The following KMT2C variants were observed in gnomAD, a reference collection of about 807,000 sequenced individuals.
KMT2C encodes the protein histone-lysine N-methyltransferase 2C.
A neutral mutation model predicts 507.9 loss-of-function variants in KMT2C; 88 were observed. That is an observed-to-expected ratio of 0.17 (90% CI 0.15 to 0.21). The LOEUF (loss-of-function observed/expected upper bound fraction) is 0.21. Among genes scored for constraint, KMT2C ranks in the 10% least tolerant of loss-of-function variants. The pLI, the probability that KMT2C is intolerant of heterozygous loss-of-function variation, is 1.00. For synonymous variants in KMT2C, 2,049 were observed against 2,080.8 expected (o/e 0.98, Z 0.42); for missense variants, 4,954 against 5,957.8 (o/e 0.83, Z 5.55).
chr7:152,421,508 G>T lies in KMT2C; in HGVS notation c.161+14118C>A, dbSNP rs189118869. Among the ~76,000 whole-genome samples the T allele has an allele frequency of 4.6e-5, 7 of 152,164 alleles. No individual in the cohort carries two copies. The East Asian group carries it at 1.4e-3, about 29-fold the overall frequency. On this transcript the variant is annotated intron_variant, in intron 1 of 58. Transcript: ENST00000262189. ...ATCAACCTAACTGCCCATCAACAGC[G>T]GACTGGATAAAGAAAACATGGTACA...
At chr7:152,321,448 A>C (rs1001735624) in intron 3 of KMT2C, among the ~76,000 whole-genome samples, 4 of 151,766 alleles carry the variant, frequency 2.6e-5, no homozygotes, top group African/African-American at 9.7e-5. Context: ...GAAAGACATA[A>C]GGGATCCCAG....
At chr7:152,304,865 G>A (rs1226081690) in intron 6 of KMT2C, among the ~76,000 whole-genome samples, 3 of 152,106 alleles carry the variant, frequency 2.0e-5, no homozygotes, top group Non-Finnish European at 4.4e-5. Context: ...CGACCTTTTG[G>A]CAAAATAAAA....
chr7:152,420,197 A>G (rs2116728215), intron 1 of KMT2C, among the ~76,000 whole-genome samples: 1 of 152,328 alleles, frequency 6.6e-6, no homozygotes, highest in Admixed American at 6.5e-5. Context: ...GGAAAAGCAA[A>G]TCTGACTAAG....
At chr7:152,367,541 C>T (rs963028339) in intron 1 of KMT2C, 3 of 1,198,384 alleles carry the variant, frequency 2.5e-6, no homozygotes, top group African/African-American at 1.5e-5. Context: ...TTGGGAAAGT[C>T]GACATTAATC....
At chr7:152,169,425 T>C (rs1274756112) in intron 40 of KMT2C, among the ~76,000 whole-genome samples, 176 bp from the exon 41 acceptor site, 4 of 152,228 alleles carry the variant, frequency 2.6e-5, no homozygotes, top group African/African-American at 9.6e-5. Context: ...GGCAACCTAA[T>C]TCTGAATTCT....
At chr7:152,266,389 C>T (rs547466070) in intron 7 of KMT2C, among the ~76,000 whole-genome samples, 3 of 152,094 alleles carry the variant, frequency 2.0e-5, no homozygotes, top group Non-Finnish European at 4.4e-5. Context: ...GGCTTACAGG[C>T]GTGTGCCACC....
chr7:152,389,288 C>T (rs1264419962), intron 1 of KMT2C, among the ~76,000 whole-genome samples: 1 of 147,842 alleles, frequency 6.8e-6, no homozygotes, highest in Non-Finnish European at 1.5e-5. Context: ...TCACTTGAAC[C>T]TGGGAGGCCG....
chr7:152,149,798 TA>T, intron 51 of KMT2C, among the ~76,000 whole-genome samples: 1 of 152,146 alleles, frequency 6.6e-6, no homozygotes, highest in African/African-American at 2.4e-5. Context: ...CATAAACTAA[TA>T]AACACCAACC....
In KMT2C at chr7:152,317,144, G is replaced by A. The variant is rs144403120; in HGVS notation, c.390-1806C>T. Among the ~76,000 whole-genome samples the A allele has an allele frequency of 7.8e-3, 1,183 of 152,138 alleles. 15 individuals carry two copies. The highest frequency in any genetic ancestry group is 0.027 in the African/African-American group (1,136 of 41,492). On this transcript the variant is annotated intron_variant, in intron 3 of 58. Coordinates refer to ENST00000262189, the MANE Select transcript of KMT2C (RefSeq NM_170606.3). ...ATTCAATTTTATATTCAAAACTATC[G>A]CTTAAATGTGAAGGTATAATAAAAT...
chr7:152,156,081 C>T (rs1454038172), intron 45 of KMT2C, 24 bp from the exon 46 acceptor site: 1 of 1,597,352 alleles, frequency 6.3e-7, no homozygotes, highest in South Asian at 1.1e-5. Flanking sequence ...AACACAAAAC[C>T]ATAAATACAT....
chr7:152,259,944 T>C (rs1355268616), intron 9 of KMT2C, among the ~76,000 whole-genome samples: 1 of 152,078 alleles, frequency 6.6e-6, no homozygotes, highest in African/African-American at 2.4e-5. Context: ...ACTCTTCAAA[T>C]GGTTCAAAGG....
At chr7:152,371,228 GAT>G (rs2097291066) in intron 1 of KMT2C, among the ~76,000 whole-genome samples, 1 of 152,074 alleles carries the variant, frequency 6.6e-6, no homozygotes. Flanking sequence ...ATATATAAAA[GAT>G]ATACATTATG....
chr7:152,357,939 T>C (rs1022794635), intron 2 of KMT2C, among the ~76,000 whole-genome samples: 3 of 152,254 alleles, frequency 2.0e-5, no homozygotes, highest in African/African-American at 7.2e-5. Flanking sequence ...TCACTGTGTC[T>C]AAACTTTATC....
At chr7:152,165,074 T>G (rs1244585622) in intron 42 of KMT2C, among the ~76,000 whole-genome samples, 1 of 152,266 alleles carries the variant, frequency 6.6e-6, no homozygotes, top group African/African-American at 2.4e-5. Flanking sequence ...TCTTCAACAG[T>G]TGTGTAACTC....
At chr7:152,284,757 AATAACAGACATGTCACCAAAG>A (rs2096269505) in intron 6 of KMT2C, among the ~76,000 whole-genome samples, 3 of 151,832 alleles carry the variant, frequency 2.0e-5, no homozygotes, top group African/African-American at 7.3e-5. Context: ...GTAGAGACAA[AATAACAGACATGTCACCAAAG>A]ATACACAAAT....
At chr7:152,191,075 C>T (rs1275320864) in intron 31 of KMT2C, among the ~76,000 whole-genome samples, 2 of 152,132 alleles carry the variant, frequency 1.3e-5, no homozygotes, top group African/African-American at 4.8e-5. Context: ...TACTTAATTA[C>T]ATTTAATTAA....
intron 1 of KMT2C, among the ~76,000 whole-genome samples, chr7:152,408,392 G>T (rs1482314762): frequency 6.6e-6 from 1 of 152,048 alleles, no homozygotes; most frequent in Admixed American, 6.6e-5. Context: ...AGGCACTACT[G>T]CTTCAATATA....
chr7:152,262,392 T>C (rs561018300), intron 9 of KMT2C, among the ~76,000 whole-genome samples: 1 of 152,306 alleles, frequency 6.6e-6, no homozygotes, highest in East Asian at 1.9e-4. Context: ...GCTTAAAAGC[T>C]AAACCGCACC....
At chr7:152,371,325 T>TA (rs2097291833) in intron 1 of KMT2C, among the ~76,000 whole-genome samples, 2 of 152,242 alleles carry the variant, frequency 1.3e-5, no homozygotes, top group Non-Finnish European at 2.9e-5. Context: ...AATAGACTAT[T>TA]AACACTATAA....
Sources: allele counts gnomAD v4.1 joint callset (sites outside exome capture counted in the v4.1 genomes callset), GRCh38; gene constraint gnomAD v4.1.1; transcripts MANE v1.5; gene names NCBI Gene and HGNC (gene_info 2026-07-23, HGNC 2026-07-21).